EYA1: variants seen among roughly 807,000 people sequenced by gnomAD.
The protein encoded by EYA1 is EYA transcriptional coactivator and phosphatase 1, also known as protein phosphatase EYA1.
A neutral mutation model predicts 82.0 loss-of-function variants in EYA1; 16 were observed. That is an observed-to-expected ratio of 0.20 (90% CI 0.13 to 0.30). The LOEUF is 0.30. Ranked by LOEUF, EYA1 falls within the 10% of genes least tolerant of loss-of-function variation. The pLI is 1.00. For missense variants in EYA1, 633 were observed against 730.7 expected (o/e 0.87, Z 1.54); for synonymous variants, 261 against 264.4 (o/e 0.99, Z 0.12).
At chr8:71,267,340 C>T (rs572089042) in intron 11 of EYA1, among the ~76,000 whole-genome samples, 1 of 152,276 alleles carries the variant, frequency 6.6e-6, no homozygotes, top group African/African-American at 2.4e-5. Flanking sequence ...CTTCTGCTTA[C>T]AACACCCTTT....
intron 4 of EYA1, among the ~76,000 whole-genome samples, chr8:71,331,788 T>C (rs1306486312): frequency 6.6e-6 from 1 of 152,158 alleles, no homozygotes; most frequent in Non-Finnish European, 1.5e-5. Flanking sequence ...TTATTGACAG[T>C]GCTTCCTTAA....
intron 11 of EYA1, among the ~76,000 whole-genome samples, chr8:71,264,579 A>ATTT (rs35415877): frequency 1.3e-4 from 19 of 142,474 alleles, no homozygotes; most frequent in African/African-American, 5.0e-4. Context: ...GAGCAATTCA[A>ATTT]TTTTTTTTTT....
chr8:71,285,855 C>T (rs1435403772), intron 9 of EYA1, among the ~76,000 whole-genome samples: 3 of 152,152 alleles, frequency 2.0e-5, no homozygotes, highest in Admixed American at 1.3e-4. Context: ...TTGTTGAATA[C>T]AACCTTTTAA....
intron 2 of EYA1, among the ~76,000 whole-genome samples, chr8:71,466,278 C>T (rs753286384): frequency 3.4e-4 from 52 of 151,988 alleles, no homozygotes; most frequent in Non-Finnish European, 6.2e-4. Flanking sequence ...TTTGCATATA[C>T]GAGTAAGCAC....
chr8:71,376,133 C>A (rs1480823477), intron 2 of EYA1, among the ~76,000 whole-genome samples: 2 of 152,100 alleles, frequency 1.3e-5, no homozygotes, highest in Admixed American at 1.3e-4. Flanking sequence ...CCAAAGAGGG[C>A]CCCTTGAAGG....
At chr8:71,526,111 G>A (rs1422590911) in intron 2 of EYA1, among the ~76,000 whole-genome samples, 1 of 152,000 alleles carries the variant, frequency 6.6e-6, no homozygotes, top group Non-Finnish European at 1.5e-5. Context: ...TTCTGTTTCA[G>A]AGGAGCAGAT....
At chr8:71,485,007 C>G (rs1296756821) in intron 2 of EYA1, among the ~76,000 whole-genome samples, 1 of 152,218 alleles carries the variant, frequency 6.6e-6, no homozygotes, top group Non-Finnish European at 1.5e-5. Flanking sequence ...CCACCCTAAA[C>G]AGCCTCATGG....
intron 2 of EYA1, among the ~76,000 whole-genome samples, chr8:71,460,969 C>T (rs540619660): frequency 9.8e-5 from 15 of 152,316 alleles, no homozygotes; most frequent in African/African-American, 3.6e-4. Context: ...CTGTTAATTA[C>T]ATTGTCTGGT....
At chr8:71,208,216 T>C (rs755103782) in intron 17 of EYA1, among the ~76,000 whole-genome samples, 4 of 152,036 alleles carry the variant, frequency 2.6e-5, no homozygotes, top group Non-Finnish European at 5.9e-5. Flanking sequence ...GTGGATCACT[T>C]GGGGTCAGGA....
At chr8:71,245,521 C>T (rs1188079849) in intron 11 of EYA1, among the ~76,000 whole-genome samples, 5 of 147,958 alleles carry the variant, frequency 3.4e-5, no homozygotes, top group East Asian at 3.9e-4. Context: ...CCACTGCGCC[C>T]GGCCTAAGTG....
chr8:71,203,272 A>C (rs1227951714), intron 17 of EYA1, among the ~76,000 whole-genome samples: 3 of 152,198 alleles, frequency 2.0e-5, no homozygotes, highest in Non-Finnish European at 1.5e-5. Flanking sequence ...TTATCAAAAC[A>C]AAGTCTGTTA....
At chr8:71,511,920 A>G (rs1041987062) in intron 2 of EYA1, among the ~76,000 whole-genome samples, 4 of 152,176 alleles carry the variant, frequency 2.6e-5, no homozygotes, top group Non-Finnish European at 5.9e-5. Flanking sequence ...CTTGTCCCAG[A>G]CCTGGTTCAT....
intron 11 of EYA1, among the ~76,000 whole-genome samples, chr8:71,247,264 G>C (rs1406159173): frequency 1.3e-5 from 2 of 152,064 alleles, no homozygotes; most frequent in Admixed American, 1.3e-4. Flanking sequence ...AGCAGCCCTA[G>C]AGGAGGAACA....
intron 3 of EYA1, among the ~76,000 whole-genome samples, chr8:71,347,330 T>G (rs927159497): frequency 2.0e-5 from 3 of 152,104 alleles, no homozygotes; most frequent in Admixed American, 2.0e-4. Flanking sequence ...ATTTATTTAT[T>G]TATTTATTTT....
chr8:71,500,304 G>A lies in EYA1; in HGVS notation c.33+35440C>T, dbSNP rs568437214. On this transcript the variant is annotated intron_variant, in intron 2 of 18. Transcript: ENST00000643681. ...TGTAATTTGAAAGACTGACCTCCAAGTATGAGGAAGATAGAAACCAGACTT... is the reference window on the plus strand; with the variant it reads ...TGTAATTTGAAAGACTGACCTCCAAATATGAGGAAGATAGAAACCAGACTT... 1.3e-4 allele frequency among the ~76,000 whole-genome samples: 20 copies of A among 152,296 alleles called. 1 individual carries two copies. Among genetic ancestry groups the A allele is most frequent in the African/African-American group, 4.6e-4 (19 of 41,574 alleles).
intron 9 of EYA1, among the ~76,000 whole-genome samples, chr8:71,278,013 C>T (rs1269394475): frequency 3.9e-5 from 6 of 152,146 alleles, no homozygotes; most frequent in Admixed American, 1.3e-4. Flanking sequence ...AAACAAAGAA[C>T]TGGAACTCGC....
intron 9 of EYA1, among the ~76,000 whole-genome samples, chr8:71,274,689 T>C (rs541187254): frequency 2.0e-5 from 3 of 152,288 alleles, no homozygotes; most frequent in African/African-American, 7.2e-5. Context: ...TACAAAGTAA[T>C]GTGGAAAGGT....
At chr8:71,218,186 G>C (rs1014522288) in intron 12 of EYA1, among the ~76,000 whole-genome samples, 1 of 152,046 alleles carries the variant, frequency 6.6e-6, no homozygotes, top group Non-Finnish European at 1.5e-5. Flanking sequence ...TATTTTAAAA[G>C]GTTCTTTTTG....
At chr8:71,311,661 C>A (rs926925973) in intron 7 of EYA1, among the ~76,000 whole-genome samples, 3 of 152,228 alleles carry the variant, frequency 2.0e-5, no homozygotes, top group Admixed American at 1.3e-4. Context: ...ATTTCACCTC[C>A]TCAGGTTGAA....
Sources: allele counts gnomAD v4.1 joint callset (sites outside exome capture counted in the v4.1 genomes callset), GRCh38; gene constraint gnomAD v4.1.1; transcripts MANE v1.5; gene names NCBI Gene and HGNC (gene_info 2026-07-23, HGNC 2026-07-21).